Variants in EBF1 observed in about 807,000 individuals in gnomAD.
EBF1 encodes transcription factor COE1.
Under a neutral mutation model 68.4 loss-of-function variants are expected in EBF1, and 10 were observed. The ratio of observed to expected loss-of-function variants is 0.15; its 90% CI spans 0.09 to 0.25. The LOEUF (loss-of-function observed/expected upper bound fraction) is 0.25, where lower values mean the gene tolerates loss of function less well. Among genes scored for constraint, EBF1 ranks in the 10% least tolerant of loss-of-function variants. The pLI is 1.00. For synonymous variants in EBF1, 298 were observed against 299.8 expected (o/e 0.99, Z 0.06); for missense variants, 509 against 794.4 (o/e 0.64, Z 4.32).
chr5:158,727,015 C>A (rs1009636541), intron 11 of EBF1, among the ~76,000 whole-genome samples: 1 of 152,210 alleles, frequency 6.6e-6, no homozygotes, highest in Non-Finnish European at 1.5e-5. Context: ...TAACACCTGA[C>A]AACAATGCCG....
intron 6 of EBF1, among the ~76,000 whole-genome samples, chr5:158,951,023 T>C (rs1014462002): frequency 2.6e-5 from 4 of 152,230 alleles, no homozygotes; most frequent in African/African-American, 9.6e-5. Flanking sequence ...TAACTCCAAC[T>C]TAGAATGAAA....
intron 10 of EBF1, among the ~76,000 whole-genome samples, chr5:158,750,754 T>A (rs1481507784): frequency 6.6e-6 from 1 of 151,792 alleles, no homozygotes; most frequent in Non-Finnish European, 1.5e-5. Context: ...TTTTTAAAAA[T>A]CTACCACTTG....
intron 7 of EBF1, among the ~76,000 whole-genome samples, chr5:158,837,300 C>A (rs926417569): frequency 6.6e-5 from 10 of 152,228 alleles, no homozygotes; most frequent in Non-Finnish European, 1.5e-4. Flanking sequence ...ATTATCCAGT[C>A]TAAAATGTTA....
At chr5:158,863,530 C>T (rs1795325189) in intron 6 of EBF1, among the ~76,000 whole-genome samples, 1 of 152,102 alleles carries the variant, frequency 6.6e-6, no homozygotes, top group Non-Finnish European at 1.5e-5. Context: ...TAAAATGCTA[C>T]CTACGATTAA....
intron 6 of EBF1, among the ~76,000 whole-genome samples, chr5:158,934,168 A>T (rs1301890179): frequency 6.6e-6 from 1 of 152,110 alleles, no homozygotes; most frequent in African/African-American, 2.4e-5. Context: ...GGTTAAAGGG[A>T]TGACACAGAC....
At chr5:159,023,078 C>T (rs531365255) in intron 6 of EBF1, among the ~76,000 whole-genome samples, 15 of 152,060 alleles carry the variant, frequency 9.9e-5, no homozygotes, top group Admixed American at 4.6e-4. Context: ...GTTTGGGAAT[C>T]GTGAAAGCTT....
intron 8 of EBF1, among the ~76,000 whole-genome samples, chr5:158,803,268 C>T (rs1454062310): frequency 6.6e-6 from 1 of 151,588 alleles, no homozygotes; most frequent in Non-Finnish European, 1.5e-5. Context: ...AACGGAGAGA[C>T]TATTGAGGGC....
intron 6 of EBF1, among the ~76,000 whole-genome samples, chr5:158,956,646 G>A (rs970761523): frequency 1.4e-4 from 21 of 150,806 alleles, no homozygotes; most frequent in African/African-American, 4.9e-4. Context: ...AAAAGAAGTT[G>A]AAAATATTGA....
intron 6 of EBF1, among the ~76,000 whole-genome samples, chr5:159,060,802 T>C (rs1193177402): frequency 2.6e-5 from 4 of 152,186 alleles, no homozygotes; most frequent in Non-Finnish European, 5.9e-5. Flanking sequence ...TGCCCTCCAA[T>C]TGGTTCTATT....
At chr5:158,800,946 A>G (rs1780463659) in intron 8 of EBF1, among the ~76,000 whole-genome samples, 1 of 152,124 alleles carries the variant, frequency 6.6e-6, no homozygotes, top group South Asian at 2.1e-4. Flanking sequence ...TTAATACAAG[A>G]TTCTTTCTTC....
intron 6 of EBF1, among the ~76,000 whole-genome samples, chr5:158,849,975 A>T (rs1033606897): frequency 5.9e-5 from 9 of 152,288 alleles, no homozygotes; most frequent in East Asian, 1.9e-4. Context: ...TCCATCTCAC[A>T]CTCTGTAAAA....
intron 6 of EBF1, among the ~76,000 whole-genome samples, chr5:159,071,416 A>G (rs965705990): frequency 2.0e-5 from 3 of 152,240 alleles, no homozygotes; most frequent in Non-Finnish European, 4.4e-5. Context: ...CAAAGCCACC[A>G]ACAGCATAAA....
intron 2 of EBF1, 99 bp from the exon 3 acceptor site, chr5:159,096,505 C>G: frequency 7.1e-7 from 1 of 1,405,818 alleles, no homozygotes; most frequent in African/African-American, 1.4e-5. Context: ...AAGCCGGGAC[C>G]CCCGCTGGCG....
intron 8 of EBF1, among the ~76,000 whole-genome samples, chr5:158,802,217 G>C (rs1028743321): frequency 1.3e-5 from 2 of 151,988 alleles, no homozygotes; most frequent in African/African-American, 4.8e-5. Context: ...GATGACCCAG[G>C]TTCAGCATTT....
chr5:158,791,877 C>T (rs1044217816), intron 9 of EBF1, among the ~76,000 whole-genome samples: 3 of 152,094 alleles, frequency 2.0e-5, no homozygotes, highest in Non-Finnish European at 4.4e-5. Flanking sequence ...CCACAAAGCC[C>T]AACTTTAATT....
chr5:158,811,021 T>C (rs2127795603), intron 8 of EBF1, among the ~76,000 whole-genome samples: 1 of 152,204 alleles, frequency 6.6e-6, no homozygotes, highest in South Asian at 2.1e-4. Flanking sequence ...AATCTCTTTT[T>C]TTTGAGGATG....
intron 11 of EBF1, among the ~76,000 whole-genome samples, chr5:158,719,271 A>G (rs977380017): frequency 1.3e-5 from 2 of 152,150 alleles, no homozygotes; most frequent in African/African-American, 4.8e-5. Flanking sequence ...GATTAATACA[A>G]TGAATCATGT....
At chr5:158,969,764 G>A (rs1754994669) in intron 6 of EBF1, among the ~76,000 whole-genome samples, 1 of 150,544 alleles carries the variant, frequency 6.6e-6, no homozygotes, top group African/African-American at 2.4e-5. Context: ...GATAGAGTGA[G>A]ACTCTGGAAA....
At chr5:159,044,770 G>C (rs1363813551) in intron 6 of EBF1, among the ~76,000 whole-genome samples, 2 of 152,296 alleles carry the variant, frequency 1.3e-5, no homozygotes, top group East Asian at 3.9e-4. Flanking sequence ...GTAATATAAA[G>C]AGTGTAGTTA....
Sources: gnomAD v4.1 joint callset for allele counts (sites outside exome capture counted in the v4.1 genomes callset) on GRCh38, gnomAD v4.1.1 for gene constraint, MANE v1.5 for transcripts, NCBI Gene and HGNC (gene_info 2026-07-23, HGNC 2026-07-21) for gene names.